Variants in STK10 observed in about 807,000 individuals in gnomAD.
The protein encoded by STK10 is serine/threonine-protein kinase 10.
STK10 carries 78 observed loss-of-function variants against 113.8 expected under a neutral mutation model. That is an observed-to-expected ratio of 0.69 (90% CI 0.57 to 0.83). STK10 has a LOEUF of 0.83. Ranked by LOEUF, STK10 falls within the 40% of genes least tolerant of loss-of-function variation. The probability of loss-of-function intolerance (pLI) is 0.00; values close to 1 mark genes in which losing one functional copy is unlikely to be tolerated. For synonymous variants in STK10, 465 were observed against 494.7 expected, an observed-to-expected ratio of 0.94 and a Z score of 0.80; for missense variants, 1,109 against 1,280.1, an observed-to-expected ratio of 0.87 and a Z score of 2.04.
At chr5:172,107,634 CT>C (rs1242840497) in intron 5 of STK10, 145 bp downstream of exon 5, 6 of 627,512 alleles carry the variant, frequency 9.6e-6, no homozygotes, top group Non-Finnish European at 1.6e-5. Flanking sequence ...AGCTAAACAG[CT>C]TGTCCAAGGT....
rs1768090377 is a variant in STK10, at chr5:172,067,283, G to A, written c.1990-2471C>T. Among the ~76,000 whole-genome samples the A allele has an allele frequency of 2.0e-5, 3 of 152,246 alleles. No homozygotes were observed. In the South Asian group the frequency reaches 6.2e-4, roughly 32 times the overall value. On this transcript the variant is annotated intron_variant, in intron 12 of 18. Coordinates refer to ENST00000176763, the MANE Select transcript of STK10 (RefSeq NM_005990.4). ...GAAGTGGGAGGATCACTTTAGCCCAGGAGGTTGAGGCTGCAGTGAGCTGTG... is the reference window on the plus strand; with the variant it reads ...GAAGTGGGAGGATCACTTTAGCCCAAGAGGTTGAGGCTGCAGTGAGCTGTG...
chr5:172,163,639 C>T (rs749845210), intron 1 of STK10, among the ~76,000 whole-genome samples: 1 of 152,174 alleles, frequency 6.6e-6, no homozygotes, highest in Non-Finnish European at 1.5e-5. Flanking sequence ...TTCACTACAC[C>T]ACACTGCCAG....
intron 2 of STK10, among the ~76,000 whole-genome samples, chr5:172,143,188 A>G (rs981269833): frequency 1.3e-5 from 2 of 152,230 alleles, no homozygotes; most frequent in African/African-American, 4.8e-5. Context: ...CAACAAGGCC[A>G]AACCCTGTCT....
chr5:172,171,069 C>T (rs994415046), intron 1 of STK10, among the ~76,000 whole-genome samples: 2 of 152,206 alleles, frequency 1.3e-5, no homozygotes, highest in African/African-American at 4.8e-5. Context: ...GTTTTAGAGA[C>T]AGTATCAAAC....
intron 12 of STK10, among the ~76,000 whole-genome samples, chr5:172,072,033 GT>G: frequency 6.6e-6 from 1 of 152,124 alleles, no homozygotes; most frequent in East Asian, 1.9e-4. Context: ...ATTGAGTCCA[GT>G]AATATATAAA....
At chr5:172,047,899 GTTTTT>G (rs11438537) in intron 18 of STK10, among the ~76,000 whole-genome samples, 1 of 109,802 alleles carries the variant, frequency 9.1e-6, no homozygotes, top group Non-Finnish European at 1.8e-5. Context: ...TGTTTTTTGG[GTTTTT>G]TTTTTTTTTT....
chr5:172,178,125 GC>G (rs1379133864), intron 1 of STK10, among the ~76,000 whole-genome samples: 1 of 152,198 alleles, frequency 6.6e-6, no homozygotes, highest in East Asian at 1.9e-4. Context: ...ACCGCGCCCA[GC>G]CCAGGATCAA....
At chr5:172,086,753 G>A (rs1375443723) in intron 10 of STK10, among the ~76,000 whole-genome samples, 1 of 152,140 alleles carries the variant, frequency 6.6e-6, no homozygotes, top group African/African-American at 2.4e-5. Context: ...GTTTACAGGC[G>A]CTCAGACCTC....
At chr5:172,171,218 G>A (rs1252627401) in intron 1 of STK10, among the ~76,000 whole-genome samples, 3 of 152,120 alleles carry the variant, frequency 2.0e-5, no homozygotes, top group Non-Finnish European at 4.4e-5. Context: ...CAAGGGACTC[G>A]CCTTTGGTAT....
At chr5:172,119,766 A>C (rs1769466299) in intron 3 of STK10, among the ~76,000 whole-genome samples, 1 of 147,354 alleles carries the variant, frequency 6.8e-6, no homozygotes, top group Non-Finnish European at 1.5e-5. Context: ...CGGGAGGCTG[A>C]GGCAGGAGAA....
chr5:172,171,864 A>G (rs6863178), intron 1 of STK10, among the ~76,000 whole-genome samples: 36,738 of 152,070 alleles, frequency 0.24, 4,790 homozygotes, highest in African/African-American at 0.33. Context: ...AACTGTATAC[A>G]CTGGTCATTC....
At chr5:172,155,094 A>G (rs1232201120) in intron 2 of STK10, among the ~76,000 whole-genome samples, 1 of 113,544 alleles carries the variant, frequency 8.8e-6, no homozygotes, top group East Asian at 3.1e-4. Flanking sequence ...AGGAAGATGA[A>G]TGGACAGAAA....
chr5:172,121,425 G>C (rs777367369), intron 3 of STK10, among the ~76,000 whole-genome samples: 2 of 151,970 alleles, frequency 1.3e-5, no homozygotes, highest in African/African-American at 4.8e-5. Context: ...CTGCAGCCTC[G>C]ATCTCCCAGG....
intron 5 of STK10, chr5:172,107,153 C>T: frequency 7.6e-6 from 2 of 264,150 alleles, no homozygotes; most frequent in Non-Finnish European, 1.5e-5. Flanking sequence ...GGCGAGAAGA[C>T]ACCAGCACAG....
At chr5:172,152,285 G>A (rs1470565233) in intron 2 of STK10, among the ~76,000 whole-genome samples, 4 of 152,180 alleles carry the variant, frequency 2.6e-5, no homozygotes, top group African/African-American at 9.7e-5. Flanking sequence ...GTGGACATAT[G>A]TGCATTCAGA....
chr5:172,088,275 CAG>C (rs1768616069), intron 10 of STK10, among the ~76,000 whole-genome samples: 1 of 151,976 alleles, frequency 6.6e-6, no homozygotes, highest in Non-Finnish European at 1.5e-5. Flanking sequence ...TCTGTAATTC[CAG>C]CACTTTGGGA....
At chr5:172,130,799 C>T (rs1240986267) in intron 2 of STK10, among the ~76,000 whole-genome samples, 2 of 152,120 alleles carry the variant, frequency 1.3e-5, no homozygotes, top group African/African-American at 4.8e-5. Context: ...CATGAAAGAA[C>T]AGCACAAAAG....
intron 3 of STK10, among the ~76,000 whole-genome samples, chr5:172,126,183 G>A (rs929081683): frequency 3.9e-5 from 6 of 152,178 alleles, no homozygotes; most frequent in African/African-American, 1.4e-4. Flanking sequence ...CTGCAGGATG[G>A]GCCATGGTCC....
At chr5:172,161,398 A>G (rs1214855852) in intron 1 of STK10, among the ~76,000 whole-genome samples, 6 of 151,670 alleles carry the variant, frequency 4.0e-5, no homozygotes, top group Non-Finnish European at 7.4e-5. Flanking sequence ...GATTGCAGTG[A>G]GCCGAGATCA....
Sources: gnomAD v4.1 joint callset for allele counts (sites outside exome capture counted in the v4.1 genomes callset) on GRCh38, gnomAD v4.1.1 for gene constraint, MANE v1.5 for transcripts, NCBI Gene and HGNC (gene_info 2026-07-23, HGNC 2026-07-21) for gene names.